The following AEBP2 variants were observed in gnomAD, a reference collection of about 807,000 sequenced individuals.
AEBP2 encodes zinc finger protein AEBP2.
In AEBP2, 10 loss-of-function variants were observed where a neutral mutation model predicts 50.8. The observed-to-expected ratio is 0.20, with a 90% CI of 0.12 to 0.33. AEBP2 has a LOEUF of 0.33. AEBP2 is among the 10% of genes least tolerant of loss of function. The pLI, the probability that AEBP2 is intolerant of heterozygous loss-of-function variation, is 1.00. For synonymous variants in AEBP2, 296 were observed against 261.3 expected (o/e 1.13, Z -1.28); for missense variants, 570 against 688.0 (o/e 0.83, Z 1.92).
chr12:19,469,910 A>T (rs1194209764), intron 2 of AEBP2, among the ~76,000 whole-genome samples: 1 of 152,180 alleles, frequency 6.6e-6, no homozygotes. Flanking sequence ...TCTTGAACAT[A>T]CTTCTTCCAA....
chr12:19,473,376 AATTTATTTATTT>A (rs71530938), intron 3 of AEBP2, 21 bp downstream of exon 3: 72 of 175,582 alleles, frequency 4.1e-4, no homozygotes, highest in Non-Finnish European at 5.3e-4. Context: ...ATGTATATAA[AATTTATTTATTT>A]ATTTATTTAT....
At chr12:19,427,377 CAAAAA>C (rs58310486) in intron 1 of AEBP2, among the ~76,000 whole-genome samples, 1 of 69,980 alleles carries the variant, frequency 1.4e-5, no homozygotes, top group African/African-American at 5.1e-5. Flanking sequence ...GAGTCTGTCT[CAAAAA>C]AAAAAAAAAA....
intron 1 of AEBP2, among the ~76,000 whole-genome samples, chr12:19,415,655 TCAATA>T (rs58109649): frequency 0.058 from 7,611 of 131,894 alleles, 219 homozygotes; most frequent in Middle Eastern, 0.084. Flanking sequence ...AGAGATTAAA[TCAATA>T]CAATACAATA....
chr12:19,439,733 G>C lies in AEBP2; in HGVS notation c.34G>C (p.Glu12Gln). 3 of 1,519,286 alleles carry C rather than the reference G, an allele frequency of 2.0e-6. No individual in the cohort carries two copies. Among genetic ancestry groups the C allele is most frequent in the South Asian group, 2.4e-5 (2 of 83,446 alleles). 94.1% of individuals were successfully genotyped at this position (1,519,286 alleles called of 1,614,324 possible). A position where few individuals can be genotyped will look rare whatever the true frequency, so the allele number is the denominator to read the frequency against. The change falls in exon 1 of 8, where the codon GAG becomes CAG. Residue 12 changes from glutamate to glutamine, a missense_variant. Coordinates refer to ENST00000266508, the MANE Select transcript of AEBP2 (RefSeq NM_153207.5). ...CGCTATCACCGACATGGCCGACCTG[G>C]AGGAGCTCTCCCGCCTGAGCCCTCT... ...AAAITDMADLEELSRLSPLPP... is the reference protein window; with the variant it reads ...AAAITDMADLQELSRLSPLPP...
chr12:19,496,580 G>A (rs1948985523), intron 4 of AEBP2, among the ~76,000 whole-genome samples: 1 of 151,748 alleles, frequency 6.6e-6, no homozygotes, highest in African/African-American at 2.4e-5. Context: ...CAGTTTTTAC[G>A]AAACTGTGAA....
At chr12:19,413,296 A>AG in intron 1 of AEBP2, 1 of 1,306,352 alleles carries the variant, frequency 7.7e-7, no homozygotes, top group East Asian at 2.3e-5. Context: ...CTAAAGCAGT[A>AG]GAGAATTACC....
chr12:19,462,161 T>G (rs1948390488), intron 1 of AEBP2, among the ~76,000 whole-genome samples: 1 of 152,166 alleles, frequency 6.6e-6, no homozygotes, highest in Non-Finnish European at 1.5e-5. Context: ...TCTTACTTTC[T>G]TATGCTTCTT....
upstream of AEBP2, among the ~76,000 whole-genome samples, chr12:19,438,609 T>C (rs1269522286): frequency 3.3e-5 from 5 of 152,228 alleles, no homozygotes; most frequent in Admixed American, 3.3e-4. Context: ...TTTTGATCGG[T>C]TGAAATAAGA....
At chr12:19,413,133 G>C (rs2095740374) in intron 1 of AEBP2, 14 of 715,994 alleles carry the variant, frequency 2.0e-5, no homozygotes, top group South Asian at 1.7e-4. Context: ...CATTTGTTCT[G>C]ACCCAAGTTT....
chr12:19,480,754 A>G (rs1316214118), intron 3 of AEBP2, among the ~76,000 whole-genome samples: 2 of 152,160 alleles, frequency 1.3e-5, no homozygotes, highest in African/African-American at 2.4e-5. Flanking sequence ...TAACCTGATG[A>G]CTGTGTGCCT....
intron 3 of AEBP2, among the ~76,000 whole-genome samples, chr12:19,486,608 C>T (rs951187524): frequency 6.6e-6 from 1 of 151,892 alleles, no homozygotes; most frequent in Non-Finnish European, 1.5e-5. Context: ...GTTTCGAACT[C>T]GCAGGCCCAA....
chr12:19,444,761 G>A (rs1008610692), intron 1 of AEBP2, among the ~76,000 whole-genome samples: 13 of 152,194 alleles, frequency 8.5e-5, no homozygotes, highest in African/African-American at 2.9e-4. Flanking sequence ...TTGTAGAATG[G>A]TATTTTGGAG....
At chr12:19,445,999 A>G (rs910729719) in intron 1 of AEBP2, 1 of 152,212 alleles carries the variant, frequency 6.6e-6, no homozygotes, top group Non-Finnish European at 1.5e-5. Context: ...TGCAGGGGCC[A>G]TGCTCATTTT....
intron 1 of AEBP2, among the ~76,000 whole-genome samples, chr12:19,420,327 C>CCTT (rs1565696219): frequency 1.8e-5 from 2 of 108,382 alleles, no homozygotes; most frequent in South Asian, 3.1e-4. Context: ...CTGTGCTGAC[C>CCTT]ATTTTTTTTT....
chr12:19,495,547 C>CTTTTTTTTTTTTTTTTTTTT (rs35060511), intron 4 of AEBP2, among the ~76,000 whole-genome samples: 19 of 141,036 alleles, frequency 1.3e-4, no homozygotes, highest in Non-Finnish European at 2.6e-4. Context: ...TTCATTCTTG[C>CTTTTTTTTTTTTTTTTTTTT]TTTTTTTTTT....
At chr12:19,471,214 G>T (rs1401738482) in intron 2 of AEBP2, among the ~76,000 whole-genome samples, 1 of 152,100 alleles carries the variant, frequency 6.6e-6, no homozygotes. Context: ...GCCCTCTCCA[G>T]TGCAAGCAAT....
At chr12:19,464,577 A>T (rs985453993) in intron 2 of AEBP2, among the ~76,000 whole-genome samples, 13 of 151,324 alleles carry the variant, frequency 8.6e-5, no homozygotes, top group Admixed American at 4.0e-4. Flanking sequence ...TTATTTTTTT[A>T]AAATTAATTA....
chr12:19,489,029 T>C (rs1224885571), intron 3 of AEBP2, among the ~76,000 whole-genome samples: 1 of 152,134 alleles, frequency 6.6e-6, no homozygotes, highest in Non-Finnish European at 1.5e-5. Context: ...CCTCAGGTGA[T>C]CCACCTGCCT....
intron 7 of AEBP2, among the ~76,000 whole-genome samples, chr12:19,516,319 A>T (rs1949317482): frequency 6.6e-6 from 1 of 152,176 alleles, no homozygotes; most frequent in South Asian, 2.1e-4. Context: ...GATGAATTAA[A>T]ATTAGCATCC....
Sources: gnomAD v4.1 joint callset for allele counts (sites outside exome capture counted in the v4.1 genomes callset) on GRCh38, gnomAD v4.1.1 for gene constraint, MANE v1.5 for transcripts, NCBI Gene and HGNC (gene_info 2026-07-23, HGNC 2026-07-21) for gene names.